The following KHDRBS2 variants were observed in gnomAD, a reference collection of about 807,000 sequenced individuals.
KHDRBS2 encodes KH RNA binding domain containing, signal transduction associated 2.
In KHDRBS2, 26 loss-of-function variants were observed where a neutral mutation model predicts 44.3. The ratio of observed to expected loss-of-function variants is 0.59; its 90% CI spans 0.43 to 0.81. KHDRBS2 has a LOEUF of 0.81. Ranked by LOEUF, KHDRBS2 falls within the 40% of genes least tolerant of loss-of-function variation. The pLI is 0.00. For missense variants in KHDRBS2, 476 were observed against 433.1 expected (o/e 1.10, Z -0.88); for synonymous variants, 194 against 151.1 (o/e 1.28, Z -2.08).
chr6:61,859,391 G>A (rs1386011869), intron 6 of KHDRBS2, among the ~76,000 whole-genome samples: 1 of 151,596 alleles, frequency 6.6e-6, no homozygotes, highest in Non-Finnish European at 1.5e-5. Context: ...CACATTAGTG[G>A]GTAAATAGGA....
rs375604243 is a variant in KHDRBS2, at chr6:62,061,231, G to T, written c.220-13237C>A. On this transcript the variant is annotated intron_variant, in intron 2 of 8. Coordinates refer to ENST00000281156, the MANE Select transcript of KHDRBS2 (RefSeq NM_152688.4). The stretch of plus-strand genomic sequence containing the variant: ...TCCTGTCATTATGATGTTAGCTGGT[G>T]ATTTTGCTCGTTAGTTGATGCAGTT... Among the ~76,000 whole-genome samples, 7 of 151,188 alleles carry T rather than the reference G, an allele frequency of 4.6e-5. No homozygotes were observed. In the East Asian group the frequency reaches 5.9e-4, roughly 13 times the overall value.
chr6:61,657,755 CT>C, the KHDRBS2 span, among the ~76,000 whole-genome samples: 51 of 152,052 alleles, frequency 3.4e-4, 1 homozygote, highest in Non-Finnish European at 6.2e-4. Context: ...GAGAACTCTC[CT>C]GCTGTTAAAA....
chr6:62,035,303 T>C (rs961965558), intron 3 of KHDRBS2, among the ~76,000 whole-genome samples: 1 of 151,998 alleles, frequency 6.6e-6, no homozygotes, highest in Non-Finnish European at 1.5e-5. Context: ...GGAGTACTAT[T>C]CAGCCACAAA....
At chr6:61,702,887 C>T (rs899988508) in intron 7 of KHDRBS2, among the ~76,000 whole-genome samples, 1 of 151,834 alleles carries the variant, frequency 6.6e-6, no homozygotes, top group African/African-American at 2.4e-5. Context: ...TAGAATTTTA[C>T]TAATAATTAG....
intron 3 of KHDRBS2, among the ~76,000 whole-genome samples, chr6:61,991,072 T>C (rs1776055298): frequency 6.6e-6 from 1 of 152,190 alleles, no homozygotes; most frequent in African/African-American, 2.4e-5. Flanking sequence ...TGGATGATTA[T>C]AGTATAATAA....
At chr6:62,004,851 G>A (rs1207775013) in intron 3 of KHDRBS2, among the ~76,000 whole-genome samples, 1 of 151,940 alleles carries the variant, frequency 6.6e-6, no homozygotes, top group Non-Finnish European at 1.5e-5. Flanking sequence ...ATTAAAGGCT[G>A]GTTCAACATA....
intron 6 of KHDRBS2, among the ~76,000 whole-genome samples, chr6:61,833,431 C>T (rs1392960252): frequency 6.6e-6 from 1 of 152,184 alleles, no homozygotes; most frequent in African/African-American, 2.4e-5. Flanking sequence ...TTCATTCACA[C>T]ATTCTGGAAG....
chr6:62,238,465 C>T (rs1262189107), intron 1 of KHDRBS2, among the ~76,000 whole-genome samples: 1 of 151,896 alleles, frequency 6.6e-6, no homozygotes, highest in Non-Finnish European at 1.5e-5. Context: ...AAAAGGATAC[C>T]TATTTGTAAA....
intron 6 of KHDRBS2, among the ~76,000 whole-genome samples, chr6:61,817,784 T>A (rs1248880708): frequency 6.6e-6 from 1 of 151,630 alleles, no homozygotes; most frequent in African/African-American, 2.4e-5. Flanking sequence ...AGCTTCCACT[T>A]AATGAAGCTA....
At chr6:61,955,010 A>G (rs141171229) in intron 4 of KHDRBS2, among the ~76,000 whole-genome samples, 4,019 of 142,678 alleles carry the variant, frequency 0.028, 98 homozygotes, top group Non-Finnish European at 0.044. Flanking sequence ...ATACATATGT[A>G]TGTATACACA....
chr6:62,214,768 G>GA (rs1829692287), intron 1 of KHDRBS2, among the ~76,000 whole-genome samples: 1 of 151,914 alleles, frequency 6.6e-6, no homozygotes, highest in Non-Finnish European at 1.5e-5. Flanking sequence ...CCAGAGCAGC[G>GA]AAACTAGCTG....
At chr6:61,966,567 G>T (rs1023358527) in intron 4 of KHDRBS2, among the ~76,000 whole-genome samples, 1 of 151,962 alleles carries the variant, frequency 6.6e-6, no homozygotes, top group African/African-American at 2.4e-5. Context: ...TAAGTGATCA[G>T]TGATCTACTT....
intron 4 of KHDRBS2, among the ~76,000 whole-genome samples, chr6:61,962,579 A>G (rs1768981851): frequency 6.6e-6 from 1 of 152,080 alleles, no homozygotes; most frequent in African/African-American, 2.4e-5. Flanking sequence ...AAGATCCACT[A>G]ACTTTTTCAA....
the KHDRBS2 span, among the ~76,000 whole-genome samples, chr6:61,559,024 C>T: frequency 7.9e-5 from 12 of 151,992 alleles, no homozygotes; most frequent in Non-Finnish European, 1.3e-4. Flanking sequence ...CTGAAGTCTC[C>T]AGTTCTTTTT....
intron 6 of KHDRBS2, among the ~76,000 whole-genome samples, chr6:61,792,479 T>A (rs1183039965): frequency 6.6e-6 from 1 of 151,770 alleles, no homozygotes. Context: ...TTGGTAGATA[T>A]ACCAATTAGT....
chr6:62,193,226 A>G (rs1379467057), intron 1 of KHDRBS2, among the ~76,000 whole-genome samples: 6 of 151,984 alleles, frequency 3.9e-5, no homozygotes, highest in Admixed American at 6.6e-5. Context: ...CACTTCACCA[A>G]AGATTGTTCC....
intron 4 of KHDRBS2, among the ~76,000 whole-genome samples, chr6:61,974,164 A>G (rs1468041080): frequency 2.6e-5 from 4 of 152,194 alleles, no homozygotes; most frequent in Non-Finnish European, 5.9e-5. Context: ...CCAATTTAGG[A>G]AAATAAAACA....
At chr6:62,217,221 T>C (rs1459319238) in intron 1 of KHDRBS2, among the ~76,000 whole-genome samples, 2 of 151,662 alleles carry the variant, frequency 1.3e-5, no homozygotes, top group Non-Finnish European at 2.9e-5. Flanking sequence ...GAACCTAAAA[T>C]CATACTGTCA....
intron 1 of KHDRBS2, among the ~76,000 whole-genome samples, chr6:62,183,791 A>G (rs1237473086): frequency 6.6e-6 from 1 of 151,714 alleles, no homozygotes; most frequent in Non-Finnish European, 1.5e-5. Flanking sequence ...CCAGTATTCA[A>G]TGTTTTTGAA....
Sources: allele counts gnomAD v4.1 joint callset (sites outside exome capture counted in the v4.1 genomes callset), GRCh38; gene constraint gnomAD v4.1.1; transcripts MANE v1.5; gene names NCBI Gene and HGNC (gene_info 2026-07-23, HGNC 2026-07-21).